TLK1: variants seen among roughly 807,000 people sequenced by gnomAD.
TLK1 encodes tousled like kinase 1, also known as serine/threonine-protein kinase tousled-like 1.
In TLK1, 24 loss-of-function variants were observed where a neutral mutation model predicts 105.3. That is an observed-to-expected ratio of 0.23 (90% CI 0.17 to 0.32). The LOEUF (loss-of-function observed/expected upper bound fraction) is 0.32. Among genes scored for constraint, TLK1 ranks in the 10% least tolerant of loss-of-function variants. TLK1 has a pLI of 1.00. For synonymous variants in TLK1, 321 were observed against 310.4 expected, an observed-to-expected ratio of 1.03 and a Z score of -0.36; for missense variants, 558 against 910.5, an observed-to-expected ratio of 0.61 and a Z score of 4.98.
intron 1 of TLK1, among the ~76,000 whole-genome samples, chr2:171,151,912 T>G (rs961348796): frequency 6.6e-6 from 1 of 152,188 alleles, no homozygotes; most frequent in Non-Finnish European, 1.5e-5. Flanking sequence ...AAATTTTATA[T>G]TTTTTATGAG....
intron 1 of TLK1, among the ~76,000 whole-genome samples, chr2:171,190,387 C>T (rs958125146): frequency 1.3e-5 from 2 of 152,214 alleles, no homozygotes; most frequent in African/African-American, 4.8e-5. Context: ...TACACTAGGA[C>T]ATTGATGACA....
At chr2:171,216,803 C>T (rs1352686720) in intron 1 of TLK1, among the ~76,000 whole-genome samples, 1 of 152,096 alleles carries the variant, frequency 6.6e-6, no homozygotes, top group East Asian at 1.9e-4. Flanking sequence ...CGTCATGTAA[C>T]AACAAAGGCA....
chr2:171,051,041 A>G (rs1388349321), intron 8 of TLK1, among the ~76,000 whole-genome samples: 1 of 152,234 alleles, frequency 6.6e-6, no homozygotes, highest in African/African-American at 2.4e-5. Context: ...TTGCCAACCT[A>G]AAATTAGATA....
chr2:171,000,917 A>G (rs1280852449), intron 18 of TLK1, among the ~76,000 whole-genome samples: 1 of 152,138 alleles, frequency 6.6e-6, no homozygotes, highest in African/African-American at 2.4e-5. Flanking sequence ...CCAGTTTGGA[A>G]GCACTCATCT....
intron 1 of TLK1, among the ~76,000 whole-genome samples, chr2:171,166,415 C>G (rs1692610918): frequency 6.6e-6 from 1 of 152,266 alleles, no homozygotes; most frequent in African/African-American, 2.4e-5. Context: ...GGCTGGCCAT[C>G]TAGCAGGGGA....
intron 2 of TLK1, among the ~76,000 whole-genome samples, chr2:171,085,042 G>T (rs1334008315): frequency 1.3e-5 from 2 of 152,112 alleles, no homozygotes; most frequent in Non-Finnish European, 2.9e-5. Context: ...ACAGATAACA[G>T]AAGACCCTAA....
chr2:171,019,655 A>G (rs556296370), intron 12 of TLK1, among the ~76,000 whole-genome samples: 2 of 152,322 alleles, frequency 1.3e-5, no homozygotes, highest in South Asian at 2.1e-4. Context: ...ATTTTGATGT[A>G]TTATTCTCAG....
intron 1 of TLK1, among the ~76,000 whole-genome samples, chr2:171,184,834 GTTGT>G (rs761697029): frequency 4.9e-5 from 7 of 143,788 alleles, no homozygotes; most frequent in Admixed American, 1.4e-4. Flanking sequence ...TATAATTATG[GTTGT>G]TTGTTTGTTT....
At chr2:171,110,874 C>T (rs924556535) in intron 2 of TLK1, among the ~76,000 whole-genome samples, 1 of 151,976 alleles carries the variant, frequency 6.6e-6, no homozygotes, top group East Asian at 1.9e-4. Context: ...ATAATTATAC[C>T]TTAATAAAAA....
intron 1 of TLK1, among the ~76,000 whole-genome samples, chr2:171,199,013 A>G (rs1693349014): frequency 6.6e-6 from 1 of 152,230 alleles, no homozygotes; most frequent in African/African-American, 2.4e-5. Flanking sequence ...ATAAGTTTCT[A>G]ATGAAAGAAC....
intron 9 of TLK1, 49 bp downstream of exon 9, chr2:171,050,015 A>G: frequency 1.2e-6 from 2 of 1,609,948 alleles, no homozygotes; most frequent in Non-Finnish European, 1.7e-6. Context: ...ATACAAAGCA[A>G]AAGGGGCTAA....
At chr2:171,125,419 T>G (rs1690827944) in intron 1 of TLK1, among the ~76,000 whole-genome samples, 1 of 152,160 alleles carries the variant, frequency 6.6e-6, no homozygotes, top group South Asian at 2.1e-4. Flanking sequence ...TAAAAGCACG[T>G]CTATATTTTT....
At chr2:171,094,873 G>A (rs1320631895) in intron 2 of TLK1, among the ~76,000 whole-genome samples, 1 of 152,154 alleles carries the variant, frequency 6.6e-6, no homozygotes, top group African/African-American at 2.4e-5. Context: ...CTCCCAAAAT[G>A]CTGGGATTAC....
Position 171,160,217 on chromosome 2 carries a change from C to CT in TLK1, c.139+72_139+73insA. The CT allele has an allele frequency of 1.0e-6, 1 of 958,284 alleles. No homozygotes were observed. Among genetic ancestry groups the CT allele is most frequent in the Non-Finnish European group, 1.3e-6 (1 of 758,314 alleles). 59.4% of individuals were successfully genotyped at this position (958,284 alleles called of 1,614,324 possible). A position where few individuals can be genotyped will look rare whatever the true frequency, so the allele number is the denominator to read the frequency against. On this transcript the variant is annotated intron_variant, in intron 1 of 20. Coordinates refer to ENST00000431350, the MANE Select transcript of TLK1 (RefSeq NM_012290.5). The surrounding 1 kb of genome is among the most constrained non-coding windows in gnomAD (Gnocchi z 4.4). Reference sequence around the variant, plus strand: ...CGGAGAAGCCCCGGGGCGGGGGGGGCGGGGGGGGGGCGCGGGGGTCCGCGG... The same window carrying CT: ...CGGAGAAGCCCCGGGGCGGGGGGGGCTGGGGGGGGGGCGCGGGGGTCCGCGG...
chr2:171,206,560 G>C (rs1021246974), intron 1 of TLK1, among the ~76,000 whole-genome samples: 2 of 152,180 alleles, frequency 1.3e-5, no homozygotes, highest in African/African-American at 2.4e-5. Context: ...GGTTCCAACA[G>C]TGCTAGAAGA....
At chr2:171,117,596 G>T in intron 2 of TLK1, 143 bp downstream of exon 2, 1 of 647,278 alleles carries the variant, frequency 1.5e-6, no homozygotes, top group Non-Finnish European at 2.7e-6. Context: ...CATTAAAAAC[G>T]CATTTATGAA....
At chr2:170,997,386 G>A (rs1169863988) in intron 19 of TLK1, among the ~76,000 whole-genome samples, 2 of 152,272 alleles carry the variant, frequency 1.3e-5, no homozygotes, top group East Asian at 1.9e-4. Context: ...GGGTGGGGTG[G>A]GGGGTGTAAG....
chr2:171,019,392 G>A (rs1417031670), intron 12 of TLK1, among the ~76,000 whole-genome samples: 1 of 152,074 alleles, frequency 6.6e-6, no homozygotes, highest in Non-Finnish European at 1.5e-5. Flanking sequence ...GAGTATTTTG[G>A]AGCATTTCTC....
chr2:171,123,917 A>G (rs35548670), intron 1 of TLK1, among the ~76,000 whole-genome samples: 39,944 of 152,032 alleles, frequency 0.26, 5,480 homozygotes, highest in Middle Eastern at 0.35. Flanking sequence ...ATTGATATTA[A>G]CCCACAAGCA....
Sources: allele counts gnomAD v4.1 joint callset (sites outside exome capture counted in the v4.1 genomes callset), GRCh38; gene constraint gnomAD v4.1.1; non-coding constraint Gnocchi (gnomAD v3.1); transcripts MANE v1.5; gene names NCBI Gene and HGNC (gene_info 2026-07-23, HGNC 2026-07-21).